Variants in FRMD4A observed in about 807,000 individuals in gnomAD.
The protein encoded by FRMD4A is FERM domain-containing protein 4A.
In FRMD4A, 29 loss-of-function variants were observed where a neutral mutation model predicts 129.1. That is an observed-to-expected ratio of 0.22 (90% confidence interval 0.17 to 0.31). The LOEUF is 0.31. FRMD4A is among the 10% of genes least tolerant of loss of function. The pLI is 1.00. For missense variants in FRMD4A, 1,272 were observed against 1,375.8 expected (o/e 0.92, Z 1.19); for synonymous variants, 634 against 571.6 (o/e 1.11, Z -1.56).
chr10:13,741,187 C>G (rs2090982640), intron 9 of FRMD4A, among the ~76,000 whole-genome samples: 1 of 151,230 alleles, frequency 6.6e-6, no homozygotes, highest in East Asian at 2.0e-4. Context: ...CAGTGGCTCA[C>G]CCCTGTAATC....
At chr10:14,220,946 G>A (rs1373822082) in intron 2 of FRMD4A, among the ~76,000 whole-genome samples, 2 of 152,074 alleles carry the variant, frequency 1.3e-5, no homozygotes, top group Admixed American at 6.6e-5. Flanking sequence ...CTGGATTGAG[G>A]AGCAGGAACC....
At chr10:14,156,061 A>C (rs372847955) in intron 2 of FRMD4A, among the ~76,000 whole-genome samples, 3 of 152,288 alleles carry the variant, frequency 2.0e-5, no homozygotes, top group Non-Finnish European at 2.9e-5. Context: ...TTTTCTCATG[A>C]GCTCAAGGAG....
At chr10:14,146,852 T>C (rs1238148669) in intron 2 of FRMD4A, among the ~76,000 whole-genome samples, 10 of 152,224 alleles carry the variant, frequency 6.6e-5, no homozygotes, top group African/African-American at 2.4e-4. Context: ...AAAATAAATA[T>C]GCAGTTCTGC....
intron 6 of FRMD4A, among the ~76,000 whole-genome samples, chr10:13,774,950 G>GAAA (rs60193088): frequency 5.5e-5 from 7 of 127,070 alleles, no homozygotes; most frequent in Non-Finnish European, 1.2e-4. Context: ...AGAAATTTAA[G>GAAA]AAAAAAAAAA....
rs909836235 is a variant in FRMD4A, at chr10:13,676,667, C to A, written c.1118-1623G>T. Among the ~76,000 whole-genome samples, 4 of 152,110 alleles carry A rather than the reference C, an allele frequency of 2.6e-5. No individual in the cohort carries two copies. In the East Asian group the frequency reaches 7.7e-4, roughly 29 times the overall value. ...GTGCATTCAAGGGGCTCACACCATG[C>A]CATTGACAACTGCATCAAAGAACTT... On this transcript the variant is annotated intron_variant, in intron 15 of 24. Transcript: ENST00000357447.
rs1250273126 is a variant in FRMD4A, at chr10:13,644,373, A to G, written c.*2665T>C. ...TCATTTCCCACCACACTGATCATTAATCATGTCAGTCTCAAAGGACTAACG... is the reference window on the plus strand; with the variant it reads ...TCATTTCCCACCACACTGATCATTAGTCATGTCAGTCTCAAAGGACTAACG... On this transcript the variant is annotated 3_prime_UTR_variant, in exon 25 of 25. Coordinates refer to ENST00000357447, the MANE Select transcript of FRMD4A (RefSeq NM_018027.5). 1 of 152,242 alleles carries G rather than the reference A, an allele frequency of 6.6e-6. No individual in the cohort carries two copies. The highest frequency in any genetic ancestry group is 1.5e-5 in the Non-Finnish European group (1 of 68,046). 9.4% of individuals were successfully genotyped at this position (152,242 alleles called of 1,614,324 possible). A position where few individuals can be genotyped will look rare whatever the true frequency, so the allele number is the denominator to read the frequency against.
chr10:13,858,769 T>C (rs1357159673), intron 3 of FRMD4A, 78 bp downstream of exon 3: 2 of 843,662 alleles, frequency 2.4e-6, no homozygotes, highest in Admixed American at 3.4e-5. Flanking sequence ...CAAATCCCCC[T>C]TCATCCCCAG....
intron 2 of FRMD4A, among the ~76,000 whole-genome samples, chr10:14,269,654 G>A (rs969919208): frequency 7.9e-5 from 12 of 152,078 alleles, no homozygotes; most frequent in Admixed American, 1.3e-4. Context: ...TGATTAGACC[G>A]GGTCCACCTG....
chr10:14,154,333 T>G (rs1005364691), intron 2 of FRMD4A, among the ~76,000 whole-genome samples: 1 of 152,162 alleles, frequency 6.6e-6, no homozygotes, highest in Non-Finnish European at 1.5e-5. Context: ...GTTTCCATTT[T>G]TTGATATCAT....
chr10:13,682,799 C>A (rs912385872), intron 15 of FRMD4A, among the ~76,000 whole-genome samples: 3 of 152,104 alleles, frequency 2.0e-5, no homozygotes, highest in Non-Finnish European at 4.4e-5. Context: ...TGAGCCACTG[C>A]GCCTGGCCTC....
intron 2 of FRMD4A, among the ~76,000 whole-genome samples, chr10:14,204,685 A>C (rs1842730595): frequency 6.6e-6 from 1 of 151,908 alleles, no homozygotes; most frequent in African/African-American, 2.4e-5. Context: ...GTAGCAATTC[A>C]CTTATTTCTC....
chr10:13,733,533 C>T (rs2090445642), intron 12 of FRMD4A, among the ~76,000 whole-genome samples: 1 of 152,196 alleles, frequency 6.6e-6, no homozygotes. Flanking sequence ...AATGATTCTC[C>T]TGCCTCAGCT....
chr10:14,325,382 G>A (rs894069268), intron 2 of FRMD4A, among the ~76,000 whole-genome samples: 1 of 152,162 alleles, frequency 6.6e-6, no homozygotes, highest in Admixed American at 6.5e-5. Context: ...GTCACCTACA[G>A]GAAATCTGCC....
At chr10:13,871,873 T>C (rs1269564719) in intron 2 of FRMD4A, among the ~76,000 whole-genome samples, 1 of 152,214 alleles carries the variant, frequency 6.6e-6, no homozygotes, top group Non-Finnish European at 1.5e-5. Flanking sequence ...CTACCCTCCC[T>C]GAGCCACACC....
chr10:14,058,104 G>A (rs536786518), intron 2 of FRMD4A, among the ~76,000 whole-genome samples: 1 of 152,202 alleles, frequency 6.6e-6, no homozygotes, highest in Non-Finnish European at 1.5e-5. Flanking sequence ...TTCCTCCAAT[G>A]AGTAGAACTG....
chr10:13,832,541 C>T (rs2093807017), intron 3 of FRMD4A, among the ~76,000 whole-genome samples: 1 of 152,186 alleles, frequency 6.6e-6, no homozygotes, highest in Non-Finnish European at 1.5e-5. Flanking sequence ...GTCGAGGAAT[C>T]TGTGGATTCT....
intron 2 of FRMD4A, among the ~76,000 whole-genome samples, chr10:14,217,679 TC>T (rs1843116827): frequency 6.6e-6 from 1 of 152,154 alleles, no homozygotes; most frequent in Non-Finnish European, 1.5e-5. Flanking sequence ...AGGGCTGAAA[TC>T]CAGCTGGCTC....
chr10:13,711,889 T>C (rs974534116), intron 12 of FRMD4A: 5 of 152,208 alleles, frequency 3.3e-5, no homozygotes, highest in African/African-American at 1.2e-4. Flanking sequence ...CCTGGTCCAT[T>C]ACTCTAACCT....
intron 12 of FRMD4A, among the ~76,000 whole-genome samples, chr10:13,737,547 CAGG>C: frequency 6.6e-6 from 1 of 152,200 alleles, no homozygotes; most frequent in Non-Finnish European, 1.5e-5. Context: ...AATTAAGGAA[CAGG>C]ATAGTCCCTC....
Sources: allele counts gnomAD v4.1 joint callset (sites outside exome capture counted in the v4.1 genomes callset), GRCh38; gene constraint gnomAD v4.1.1; transcripts MANE v1.5; gene names NCBI Gene and HGNC (gene_info 2026-07-23, HGNC 2026-07-21).